Variants in NRXN3 observed in about 807,000 individuals in gnomAD.
The protein encoded by NRXN3 is neurexin 3.
A neutral mutation model predicts 137.6 loss-of-function variants in NRXN3; 32 were observed. The observed-to-expected ratio is 0.23, with a 90% CI of 0.18 to 0.31. The LOEUF is 0.31. NRXN3 is among the 10% of genes least tolerant of loss of function. The pLI is 1.00. For synonymous variants in NRXN3, 798 were observed against 784.5 expected, an observed-to-expected ratio of 1.02 and a Z score of -0.29; for missense variants, 1,574 against 2,062.5, an observed-to-expected ratio of 0.76 and a Z score of 4.59.
At chr14:79,380,357 C>G (rs1397704690) in intron 15 of NRXN3, among the ~76,000 whole-genome samples, 1 of 151,214 alleles carries the variant, frequency 6.6e-6, no homozygotes, top group Admixed American at 6.6e-5. Flanking sequence ...TTCCCCCCAC[C>G]CCACAACAGT....
At position 79,541,783 on chromosome 14, in the gene NRXN3, C is replaced by T. The variant is rs191282457; in HGVS notation, c.3444+74381C>T. ...AACCCACCTGTAGCTGATGGAGTTG[C>T]ATTTGTTACTCATTGTTTCGATGAG... On this transcript the variant is annotated intron_variant, in intron 16 of 20. Coordinates refer to ENST00000335750, the MANE Select transcript of NRXN3 (RefSeq NM_001330195.2). 7.2e-5 allele frequency among the ~76,000 whole-genome samples: 11 copies of T among 152,292 alleles called. No individual in the cohort carries two copies. The East Asian group carries it at 1.5e-3, about 21-fold the overall frequency.
chr14:79,439,150 T>C (rs1310651028), intron 15 of NRXN3, among the ~76,000 whole-genome samples: 1 of 152,096 alleles, frequency 6.6e-6, no homozygotes, highest in Non-Finnish European at 1.5e-5. Context: ...CCAAAGAGAG[T>C]GTTTACATAG....
chr14:78,957,368 A>T lies in NRXN3; in HGVS notation c.2395+7A>T. 1 of 1,610,776 alleles carries T rather than the reference A, an allele frequency of 6.2e-7. No homozygotes were observed. Among genetic ancestry groups the T allele is most frequent in the South Asian group, 1.1e-5 (1 of 90,818 alleles). ...GATGATGATGTGGCTGAGGGTGAGT[A>T]TGACTATGGTGAAATTCGTCTGTCT... On this transcript the variant is annotated splice_region_variant and intron_variant, in intron 11 of 20. Coordinates refer to ENST00000335750, the MANE Select transcript of NRXN3 (RefSeq NM_001330195.2).
chr14:79,650,474 T>C (rs866123460), intron 16 of NRXN3, among the ~76,000 whole-genome samples: 1 of 152,174 alleles, frequency 6.6e-6, no homozygotes, highest in South Asian at 2.1e-4. Flanking sequence ...AGCTCAGCAA[T>C]GTGACTTTGT....
intron 16 of NRXN3, among the ~76,000 whole-genome samples, chr14:79,514,325 C>T (rs903011187): frequency 1.3e-5 from 2 of 151,970 alleles, no homozygotes; most frequent in African/African-American, 4.8e-5. Context: ...AAATTCAAGC[C>T]TCTCTCTAAA....
intron 4 of NRXN3, among the ~76,000 whole-genome samples, chr14:78,415,210 A>G (rs1174695369): frequency 6.6e-6 from 1 of 152,208 alleles, no homozygotes; most frequent in Non-Finnish European, 1.5e-5. Flanking sequence ...TTTAGCTTGC[A>G]TGACTGTCAT....
chr14:78,902,367 A>G (rs1165462763), intron 10 of NRXN3, among the ~76,000 whole-genome samples: 1 of 152,082 alleles, frequency 6.6e-6, no homozygotes, highest in African/African-American at 2.4e-5. Context: ...TTTGTTTTTC[A>G]TATTTGTTTG....
At chr14:79,288,306 T>A (rs568259673) in intron 15 of NRXN3, among the ~76,000 whole-genome samples, 6 of 152,332 alleles carry the variant, frequency 3.9e-5, no homozygotes, top group African/African-American at 1.4e-4. Flanking sequence ...TATGTTATGT[T>A]TAAAATATTC....
chr14:78,846,305 T>A (rs574709203), intron 10 of NRXN3, among the ~76,000 whole-genome samples: 59 of 152,174 alleles, frequency 3.9e-4, no homozygotes, highest in African/African-American at 1.4e-3. Context: ...TGGAAAAGGG[T>A]CATTTCCTCT....
At chr14:79,353,316 G>A (rs1361229592) in intron 15 of NRXN3, among the ~76,000 whole-genome samples, 1 of 151,960 alleles carries the variant, frequency 6.6e-6, no homozygotes, top group Admixed American at 6.6e-5. Flanking sequence ...TCTGAATATG[G>A]AAAATTATAT....
intron 10 of NRXN3, among the ~76,000 whole-genome samples, chr14:78,910,014 C>T (rs1190570937): frequency 1.3e-5 from 2 of 152,134 alleles, no homozygotes; most frequent in Non-Finnish European, 2.9e-5. Flanking sequence ...GTATTGCTAA[C>T]TATACTCAGA....
intron 6 of NRXN3, among the ~76,000 whole-genome samples, chr14:78,672,492 A>C (rs1316178858): frequency 6.6e-6 from 1 of 152,226 alleles, no homozygotes; most frequent in African/African-American, 2.4e-5. Context: ...ACCATGTGCT[A>C]TGTGGATGCT....
chr14:78,759,930 G>C (rs1031926841), intron 8 of NRXN3, among the ~76,000 whole-genome samples: 1 of 151,024 alleles, frequency 6.6e-6, no homozygotes, highest in African/African-American at 2.4e-5. Context: ...TGTCCTATTA[G>C]TATGCCCACT....
intron 4 of NRXN3, among the ~76,000 whole-genome samples, chr14:78,386,463 A>G (rs564790175): frequency 2.6e-5 from 4 of 152,276 alleles, no homozygotes; most frequent in African/African-American, 9.6e-5. Flanking sequence ...AGTGTCGCTT[A>G]TAGCATCTTA....
chr14:79,697,637 G>T lies in NRXN3; in HGVS notation c.3714G>T (p.Gln1238His). The part of the protein sequence containing the change: ...VEEWLQEKGR[Q>H]LTIFNTQAQI... ...CTCCACCCAACCCACTAGGCCGGCA[G>T]TTAACCATCTTCAACACTCAGGCGC... The change falls in exon 19 of 21, where the codon CAG becomes CAT. Residue 1238 changes from glutamine (Q) to histidine (H), a missense_variant. By Grantham distance (24) the Gln-to-His change is conservative (BLOSUM62 0). Coordinates refer to ENST00000335750, the MANE Select transcript of NRXN3 (RefSeq NM_001330195.2). 6.2e-7 allele frequency: 1 copy of T among 1,611,120 alleles called. No homozygotes were observed. The highest frequency in any genetic ancestry group is 8.5e-7 in the Non-Finnish European group (1 of 1,177,920).
intron 16 of NRXN3, among the ~76,000 whole-genome samples, chr14:79,571,090 A>C (rs1241790786): frequency 6.6e-6 from 1 of 152,158 alleles, no homozygotes; most frequent in Non-Finnish European, 1.5e-5. Flanking sequence ...ATTTAAACTC[A>C]TCAGGGACCA....
chr14:79,752,215 C>G (rs1019454107), intron 19 of NRXN3, among the ~76,000 whole-genome samples: 5 of 134,806 alleles, frequency 3.7e-5, no homozygotes, highest in South Asian at 2.4e-4. Flanking sequence ...ACTCTTTTTG[C>G]TTGGTAAGCT....
intron 4 of NRXN3, among the ~76,000 whole-genome samples, chr14:78,565,360 G>T (rs143652676): frequency 1.3e-5 from 2 of 152,284 alleles, no homozygotes; most frequent in East Asian, 3.9e-4. Flanking sequence ...AAAACTGAAG[G>T]TTCAGGTAGA....
chr14:78,368,582 C>T (rs955465108), intron 4 of NRXN3, among the ~76,000 whole-genome samples: 11 of 152,140 alleles, frequency 7.2e-5, no homozygotes, highest in Non-Finnish European at 1.5e-5. Flanking sequence ...GTAATTCCAG[C>T]TACTCAAGAG....
Sources: allele counts gnomAD v4.1 joint callset (sites outside exome capture counted in the v4.1 genomes callset), GRCh38; gene constraint gnomAD v4.1.1; transcripts MANE v1.5; gene names NCBI Gene and HGNC (gene_info 2026-07-23, HGNC 2026-07-21).